COL10A1: variants seen among roughly 807,000 people sequenced by gnomAD.
The protein encoded by COL10A1 is collagen alpha-1(X) chain.
In COL10A1, 10 loss-of-function variants were observed where a neutral mutation model predicts 18.2. The observed-to-expected ratio is 0.55, with a 90% CI of 0.34 to 0.93. The LOEUF (loss-of-function observed/expected upper bound fraction) is 0.93, where lower values mean the gene tolerates loss of function less well. COL10A1 is among the 40% of genes least tolerant of loss of function. The probability of loss-of-function intolerance (pLI) is 0.02; values close to 1 mark genes in which losing one functional copy is unlikely to be tolerated. For missense variants in COL10A1, 897 were observed against 853.5 expected (o/e 1.05, Z -0.64); for synonymous variants, 330 against 316.6 (o/e 1.04, Z -0.45).
the COL10A1 span, among the ~76,000 whole-genome samples, chr6:116,166,663 CA>C: frequency 2.0e-5 from 3 of 152,252 alleles, no homozygotes; most frequent in African/African-American, 7.2e-5. Flanking sequence ...CTCTTAAAAC[CA>C]AGTCAGTAGT....
intron 1 of COL10A1, among the ~76,000 whole-genome samples, chr6:116,144,422 A>G (rs1779844520): frequency 6.6e-6 from 1 of 150,896 alleles, no homozygotes; most frequent in Non-Finnish European, 1.5e-5. Flanking sequence ...AATCTCTTGA[A>G]CCCAGGAGGC....
the COL10A1 span, among the ~76,000 whole-genome samples, chr6:116,216,264 AT>A: frequency 6.6e-6 from 1 of 152,104 alleles, no homozygotes; most frequent in Admixed American, 6.6e-5. Flanking sequence ...AGAGCCTGTG[AT>A]TTCCAATGAA....
At chr6:116,215,305 A>G in the COL10A1 span, among the ~76,000 whole-genome samples, 1 of 152,302 alleles carries the variant, frequency 6.6e-6, no homozygotes, top group African/African-American at 2.4e-5. Flanking sequence ...TAAATTGCAA[A>G]ACATGGTCTC....
At chr6:116,208,359 C>T in the COL10A1 span, among the ~76,000 whole-genome samples, 1 of 152,072 alleles carries the variant, frequency 6.6e-6, no homozygotes, top group Admixed American at 6.6e-5. Flanking sequence ...CAAAACCCTC[C>T]CAAAATGTTT....
the COL10A1 span, among the ~76,000 whole-genome samples, chr6:116,182,223 G>GAGTGTGTGTGTGTA: frequency 4.1e-5 from 1 of 24,294 alleles, no homozygotes; most frequent in East Asian, 6.4e-4. Flanking sequence ...TCCATGGAGA[G>GAGTGTGTGTGTGTA]TGTGTGTGTG....
At chr6:116,150,575 G>A (rs1780015041) in intron 1 of COL10A1, among the ~76,000 whole-genome samples, 1 of 152,156 alleles carries the variant, frequency 6.6e-6, no homozygotes, top group African/African-American at 2.4e-5. Context: ...GTGAGTCACT[G>A]CACCTGGCCT....
chr6:116,123,956 A>G (rs1050065791), intron 2 of COL10A1, among the ~76,000 whole-genome samples: 1 of 152,194 alleles, frequency 6.6e-6, no homozygotes, highest in Non-Finnish European at 1.5e-5. Flanking sequence ...CATGGAAACT[A>G]TTGAATCCAG....
chr6:116,120,867 G>T lies in COL10A1; in HGVS notation c.1249C>A (p.Pro417Thr), dbSNP rs757215968. 6.8e-6 allele frequency: 11 copies of T among 1,613,706 alleles called. No individual in the cohort carries two copies. In the Admixed American group the frequency reaches 1.8e-4, roughly 27 times the overall value. The change falls in exon 3 of 3, where the codon CCT (proline) becomes ACT (threonine). Residue 417 changes from proline to threonine, a missense_variant. Pro to Thr is a conservative substitution (Grantham distance 38, BLOSUM62 -1). Transcript: ENST00000651968. ...CCCACAGGGCCTGGGAGACCAGGAG[G>T]TCCTCCAACTCCAGGATCACCTTTT... is the stretch of plus-strand genomic sequence containing the variant. ...GPKGDPGVGGPPGLPGPVGPA... is the reference protein window; with the variant it reads ...GPKGDPGVGGTPGLPGPVGPA...
the COL10A1 span, among the ~76,000 whole-genome samples, chr6:116,178,318 G>A: frequency 6.6e-6 from 1 of 152,158 alleles, no homozygotes; most frequent in Admixed American, 6.5e-5. Context: ...GGCGCATTCA[G>A]GGTGGTATGG....
chr6:116,141,566 T>G (rs745956702), intron 1 of COL10A1, among the ~76,000 whole-genome samples: 9 of 152,052 alleles, frequency 5.9e-5, no homozygotes, highest in Admixed American at 2.0e-4. Flanking sequence ...AATGTTTCAT[T>G]AATTTTTTTT....
At chr6:116,202,042 G>A in the COL10A1 span, among the ~76,000 whole-genome samples, 1 of 152,110 alleles carries the variant, frequency 6.6e-6, no homozygotes, top group African/African-American at 2.4e-5. Context: ...CAGTGTGGTA[G>A]CCATTAACCA....
At chr6:116,175,199 G>A in the COL10A1 span, among the ~76,000 whole-genome samples, 3 of 152,016 alleles carry the variant, frequency 2.0e-5, no homozygotes, top group African/African-American at 7.2e-5. Flanking sequence ...AGGATACAGA[G>A]CATTTCCAGG....
At chr6:116,133,725 C>G (rs949871884) in intron 1 of COL10A1, among the ~76,000 whole-genome samples, 4 of 152,166 alleles carry the variant, frequency 2.6e-5, no homozygotes, top group African/African-American at 7.2e-5. Flanking sequence ...TGCAAAGATG[C>G]TAAGTGAGTC....
chr6:116,181,048 C>A, the COL10A1 span, among the ~76,000 whole-genome samples: 1,431 of 151,510 alleles, frequency 9.4e-3, 21 homozygotes, highest in African/African-American at 0.029. Context: ...GGGATGAAAT[C>A]ATATGGTATC....
At chr6:116,163,524 T>A (rs138837668), upstream of COL10A1, among the ~76,000 whole-genome samples, 307 of 152,256 alleles carry the variant, frequency 2.0e-3, 1 homozygote, top group African/African-American at 7.2e-3. Flanking sequence ...TCTTGTTTAA[T>A]CTAGTTAGTA....
the COL10A1 span, among the ~76,000 whole-genome samples, chr6:116,179,295 T>C: frequency 8.1e-4 from 124 of 152,290 alleles, no homozygotes; most frequent in African/African-American, 2.9e-3. Context: ...TTCTGAAAAC[T>C]GCATAATGGC....
the COL10A1 span, among the ~76,000 whole-genome samples, chr6:116,211,392 C>G: frequency 6.6e-6 from 1 of 151,848 alleles, no homozygotes; most frequent in Non-Finnish European, 1.5e-5. Flanking sequence ...AATAAAAAAC[C>G]CAATACAATG....
chr6:116,171,625 A>G, the COL10A1 span, among the ~76,000 whole-genome samples: 1 of 152,142 alleles, frequency 6.6e-6, no homozygotes. Context: ...AGTGTATTCT[A>G]TATTTGACTT....
the COL10A1 span, among the ~76,000 whole-genome samples, chr6:116,204,799 A>G: frequency 5.9e-5 from 9 of 152,016 alleles, no homozygotes; most frequent in African/African-American, 1.9e-4. Flanking sequence ...AACTTTGTCC[A>G]TGTTTTCAAC....
Sources: gnomAD v4.1 joint callset for allele counts (sites outside exome capture counted in the v4.1 genomes callset) on GRCh38, gnomAD v4.1.1 for gene constraint, MANE v1.5 for transcripts, NCBI Gene and HGNC (gene_info 2026-07-23, HGNC 2026-07-21) for gene names.